The following NR3C2 variants were observed in gnomAD, a reference collection of about 807,000 sequenced individuals.
The protein encoded by NR3C2 is mineralocorticoid receptor.
In NR3C2, 15 loss-of-function variants were observed where a neutral mutation model predicts 86.4. The ratio of observed to expected loss-of-function variants is 0.17; its 90% CI spans 0.12 to 0.27. The LOEUF (loss-of-function observed/expected upper bound fraction) is 0.27, where lower values mean the gene tolerates loss of function less well. Among genes scored for constraint, NR3C2 ranks in the 10% least tolerant of loss-of-function variants. The probability of loss-of-function intolerance (pLI) is 1.00; values close to 1 mark genes in which losing one functional copy is unlikely to be tolerated. For synonymous variants in NR3C2, 458 were observed against 450.5 expected, an observed-to-expected ratio of 1.02 and a Z score of -0.21; for missense variants, 960 against 1,195.6, an observed-to-expected ratio of 0.80 and a Z score of 2.91.
intron 2 of NR3C2, among the ~76,000 whole-genome samples, chr4:148,375,084 G>A (rs975466357): frequency 6.6e-6 from 1 of 152,090 alleles, no homozygotes; most frequent in Admixed American, 6.5e-5. Flanking sequence ...TTATTTTGAT[G>A]TTTTGAAAAA....
chr4:148,269,705 C>T (rs1390902799), intron 2 of NR3C2, among the ~76,000 whole-genome samples: 1 of 152,152 alleles, frequency 6.6e-6, no homozygotes, highest in Non-Finnish European at 1.5e-5. Flanking sequence ...AATTTATTTG[C>T]CTCTGCAATC....
At chr4:148,162,621 C>CAAGG (rs1248356546) in intron 4 of NR3C2, among the ~76,000 whole-genome samples, 3 of 152,180 alleles carry the variant, frequency 2.0e-5, no homozygotes, top group Non-Finnish European at 4.4e-5. Flanking sequence ...TTCTTGTGCT[C>CAAGG]AAGGCCTGGC....
At chr4:148,279,476 AAG>A (rs1424454563) in intron 2 of NR3C2, among the ~76,000 whole-genome samples, 2 of 152,198 alleles carry the variant, frequency 1.3e-5, no homozygotes, top group African/African-American at 4.8e-5. Flanking sequence ...AAGAGGAAAC[AAG>A]ACACTAAAAA....
chr4:148,090,295 C>G (rs1022042058), intron 8 of NR3C2, among the ~76,000 whole-genome samples: 2 of 152,172 alleles, frequency 1.3e-5, no homozygotes, highest in African/African-American at 4.8e-5. Context: ...CAGAGGGGCT[C>G]TCAGGAAAGA....
chr4:148,115,400 A>C (rs970286596), intron 7 of NR3C2, among the ~76,000 whole-genome samples: 1 of 152,230 alleles, frequency 6.6e-6, no homozygotes, highest in Non-Finnish European at 1.5e-5. Flanking sequence ...TGAATAAGAA[A>C]ATCAACTAGA....
rs189983714 is a variant in NR3C2 at position 148,273,833 on chromosome 4, G to C, written c.1758-13716C>G. ...AAGCTCCAAGTTGGAAGGGCTATCA[G>C]AAACCAGGCAACAGAATCACGGTGA... On this transcript the variant is annotated intron_variant, in intron 2 of 8. Transcript: ENST00000358102. Among the ~76,000 whole-genome samples the C allele has an allele frequency of 2.4e-4, 37 of 152,342 alleles. No homozygotes were observed. The East Asian group carries it at 6.9e-3, about 29-fold the overall frequency.
At chr4:148,128,278 A>C (rs945306166) in intron 6 of NR3C2, among the ~76,000 whole-genome samples, 1 of 152,354 alleles carries the variant, frequency 6.6e-6, no homozygotes, top group African/African-American at 2.4e-5. Flanking sequence ...TGAGCCTATC[A>C]GCCAATGGCT....
intron 2 of NR3C2, among the ~76,000 whole-genome samples, chr4:148,317,851 G>C (rs28607266): frequency 0.34 from 51,170 of 150,944 alleles, 9,862 homozygotes; most frequent in African/African-American, 0.54. Context: ...TTTTGAATAT[G>C]TGTTCTAGTT....
intron 2 of NR3C2, among the ~76,000 whole-genome samples, chr4:148,322,373 C>T (rs1229220071): frequency 3.8e-4 from 51 of 135,184 alleles, no homozygotes; most frequent in Middle Eastern, 3.7e-3. Flanking sequence ...TTGCTCTTCT[C>T]GAGGAGTATC....
intron 2 of NR3C2, among the ~76,000 whole-genome samples, chr4:148,317,972 C>G (rs1030392694): frequency 4.0e-5 from 6 of 150,126 alleles, no homozygotes; most frequent in Non-Finnish European, 8.9e-5. Flanking sequence ...TGCGCTGCAC[C>G]CACTAACTCG....
intron 2 of NR3C2, among the ~76,000 whole-genome samples, chr4:148,280,864 T>C (rs1741198894): frequency 6.6e-6 from 1 of 152,224 alleles, no homozygotes; most frequent in Non-Finnish European, 1.5e-5. Flanking sequence ...TGGTAAACTC[T>C]ATATAAAGCT....
chr4:148,133,193 CA>C (rs372452845), intron 6 of NR3C2, among the ~76,000 whole-genome samples: 26,549 of 97,050 alleles, frequency 0.27, 2,503 homozygotes, highest in Middle Eastern at 0.42. Flanking sequence ...GAACCTGTCT[CA>C]AAAAAAAAAA....
At position 148,127,269 on chromosome 4, in the gene NR3C2, G is replaced by T. The variant is rs544739277; in HGVS notation, c.2511-6981C>A. ...TTTGCACAATTAAATTAAATGTATA[G>T]AAATGTACATGCAAGGAAGTTGAAA... On this transcript the variant is annotated intron_variant, in intron 6 of 8. Transcript: ENST00000358102. 3.9e-5 allele frequency among the ~76,000 whole-genome samples: 6 copies of T among 152,252 alleles called. No homozygotes were observed. In the East Asian group the frequency reaches 1.2e-3, roughly 29 times the overall value.
chr4:148,345,828 C>T (rs926774561), intron 2 of NR3C2, among the ~76,000 whole-genome samples: 13 of 152,216 alleles, frequency 8.5e-5, no homozygotes, highest in African/African-American at 2.9e-4. Flanking sequence ...ACACACTACA[C>T]ATATGGTAGA....
chr4:148,368,558 A>G (rs1195113308), intron 2 of NR3C2: 1 of 152,132 alleles, frequency 6.6e-6, no homozygotes, highest in Non-Finnish European at 1.5e-5. Flanking sequence ...TTTCATATAT[A>G]CAATCTTGTA....
intron 1 of NR3C2, among the ~76,000 whole-genome samples, chr4:148,437,472 TTTAGA>T (rs1158454109): frequency 6.6e-6 from 1 of 152,208 alleles, no homozygotes; most frequent in African/African-American, 2.4e-5. Context: ...TAAGACTCTC[TTTAGA>T]TTAGTGATGA....
At chr4:148,325,379 C>G (rs1183190014) in intron 2 of NR3C2, among the ~76,000 whole-genome samples, 2 of 152,122 alleles carry the variant, frequency 1.3e-5, no homozygotes, top group Admixed American at 6.5e-5. Context: ...TGCAGAGCAG[C>G]CTCTGTGTAT....
intron 6 of NR3C2, among the ~76,000 whole-genome samples, chr4:148,150,872 G>A (rs1734071483): frequency 6.6e-6 from 1 of 152,164 alleles, no homozygotes; most frequent in African/African-American, 2.4e-5. Flanking sequence ...AAATATGGAT[G>A]AACATTGAAA....
chr4:148,314,141 TG>T (rs1381903988), intron 2 of NR3C2, among the ~76,000 whole-genome samples: 1 of 151,968 alleles, frequency 6.6e-6, no homozygotes, highest in African/African-American at 2.4e-5. Flanking sequence ...AGGACTATAT[TG>T]GGGGGAAAGA....
Sources: gnomAD v4.1 joint callset for allele counts (sites outside exome capture counted in the v4.1 genomes callset) on GRCh38, gnomAD v4.1.1 for gene constraint, MANE v1.5 for transcripts, NCBI Gene and HGNC (gene_info 2026-07-23, HGNC 2026-07-21) for gene names.